FAM171A1: variants seen among roughly 807,000 people sequenced by gnomAD.
FAM171A1 encodes the protein protein FAM171A1.
FAM171A1 carries 23 observed loss-of-function variants against 74.9 expected under a neutral mutation model. The observed-to-expected ratio is 0.31, with a 90% CI of 0.22 to 0.44. The LOEUF (loss-of-function observed/expected upper bound fraction) is 0.44. Ranked by LOEUF, FAM171A1 falls within the 20% of genes least tolerant of loss-of-function variation. The pLI, the probability that FAM171A1 is intolerant of heterozygous loss-of-function variation, is 1.00. For synonymous variants in FAM171A1, 527 were observed against 505.7 expected, an observed-to-expected ratio of 1.04 and a Z score of -0.57; for missense variants, 1,162 against 1,159.2, an observed-to-expected ratio of 1.00 and a Z score of -0.03.
chr10:15,333,577 C>T (rs1052431707), intron 1 of FAM171A1, among the ~76,000 whole-genome samples: 4 of 151,996 alleles, frequency 2.6e-5, no homozygotes, highest in Admixed American at 6.6e-5. Flanking sequence ...ACCTGTAATC[C>T]CAGCACTTTG....
rs1351171938 is a variant in FAM171A1, at chr10:15,254,765, A to G, written c.533T>C (p.Val178Ala). The change falls in exon 4 of 8, where the codon GTG becomes GCG. Residue 178 changes from valine to alanine, a missense_variant. By Grantham distance (64) the Val-to-Ala change is moderately conservative. Transcript: ENST00000378116. ...FLTAASSPSE[V>A]DSFPYLRGLD... is the part of the protein sequence containing the mutation. Reference sequence around the variant, plus strand: ...TCCTCGCAAATAAGGAAAACTGTCCACCTCCGAAGGGGAGCTGGCGGCCGT... The same window carrying G: ...TCCTCGCAAATAAGGAAAACTGTCCGCCTCCGAAGGGGAGCTGGCGGCCGT... 5 of 1,613,976 alleles carry G rather than the reference A, an allele frequency of 3.1e-6. No individual in the cohort carries two copies. The highest frequency in any genetic ancestry group is 4.2e-6 in the Non-Finnish European group (5 of 1,180,020).
Position 15,362,166 on chromosome 10 carries a change from G to A in FAM171A1, c.97+8790C>T, listed in dbSNP as rs1588572311. On this transcript the variant is annotated intron_variant, in intron 1 of 7. Transcript: ENST00000378116. ...CATCTTATCTACCCATCCAGTTTAA[G>A]GAATATAAGACAGCTTGACCTAATT... Among the ~76,000 whole-genome samples the A allele has an allele frequency of 3.3e-5, 5 of 152,296 alleles. No individual in the cohort carries two copies. The South Asian group carries it at 1.0e-3, about 32-fold the overall frequency.
At chr10:15,266,268 G>A (rs1269469565) in intron 3 of FAM171A1, among the ~76,000 whole-genome samples, 1 of 152,182 alleles carries the variant, frequency 6.6e-6, no homozygotes, top group African/African-American at 2.4e-5. Flanking sequence ...GACGAGAGCT[G>A]CTGGGTCCCA....
intron 1 of FAM171A1, among the ~76,000 whole-genome samples, chr10:15,319,294 C>G (rs996937505): frequency 1.3e-5 from 2 of 152,144 alleles, no homozygotes; most frequent in Non-Finnish European, 2.9e-5. Flanking sequence ...CTTCCCCTCC[C>G]CCAATTACTA....
intron 1 of FAM171A1, among the ~76,000 whole-genome samples, chr10:15,288,115 A>T (rs6602831): frequency 0.83 from 126,512 of 152,214 alleles, 52,647 homozygotes; most frequent in South Asian, 0.92. Context: ...CATGGCTGAT[A>T]AGTATTCCAT....
In FAM171A1 at chr10:15,290,448, G is replaced by GC. The variant is rs1189442712; in HGVS notation, c.98-6344dup. On this transcript the variant is annotated intron_variant, in intron 1 of 7. Coordinates refer to ENST00000378116, the MANE Select transcript of FAM171A1 (RefSeq NM_001010924.2). ...AAGGTGGATTCAAGAAAGTACTCTG[G>GC]CCGGACTCAGCAACCCTGCATTTCC... Among the ~76,000 whole-genome samples the GC allele has an allele frequency of 2.6e-5, 4 of 152,208 alleles. No individual in the cohort carries two copies. The East Asian group carries it at 7.7e-4, about 29-fold the overall frequency.
chr10:15,352,309 T>A (rs1281608627), intron 1 of FAM171A1, among the ~76,000 whole-genome samples: 3 of 152,112 alleles, frequency 2.0e-5, no homozygotes, highest in Non-Finnish European at 4.4e-5. Flanking sequence ...AGTATCTAAC[T>A]TCAAGTATTG....
At position 15,212,222 on chromosome 10, in the gene FAM171A1, T is replaced by G. The variant is rs910115983; in HGVS notation, c.*693A>C. 1.3e-5 allele frequency: 2 copies of G among 152,824 alleles called. No homozygotes were observed. The highest frequency in any genetic ancestry group is 4.1e-4 in the South Asian group (2 of 4,824). The allele number at this position is 152,824 out of a possible 1,614,324, so 9.5% of individuals were successfully genotyped here. On this transcript the variant is annotated 3_prime_UTR_variant, in exon 8 of 8. Transcript: ENST00000378116. ...GGAGGACTCTTAGCTGATACAGATT[T>G]CAGTACGATTTCATTAAAAGGCTTG...
chr10:15,290,566 A>G (rs1354659015), intron 1 of FAM171A1, among the ~76,000 whole-genome samples: 1 of 152,134 alleles, frequency 6.6e-6, no homozygotes, highest in African/African-American at 2.4e-5. Flanking sequence ...TACAACAGAG[A>G]CCAGACCCCT....
Position 15,254,790 on chromosome 10 carries a change from TGAGAAACGCG to T in FAM171A1, c.498_507del (p.Ala167ArgfsTer18). The T allele has an allele frequency of 6.2e-7, 1 of 1,612,008 alleles. No individual in the cohort carries two copies. On this transcript the variant is annotated frameshift_variant, in exon 4 of 8. Coordinates refer to ENST00000378116, the MANE Select transcript of FAM171A1 (RefSeq NM_001010924.2). LOFTEE classifies it high-confidence loss of function. Reference sequence around the variant, plus strand: ...ACCTCCGAAGGGGAGCTGGCGGCCGTGAGAAACGCGGTCAGGTCACTGTAGCTGGTGTTCT... The same window carrying T: ...ACCTCCGAAGGGGAGCTGGCGGCCGTGTCAGGTCACTGTAGCTGGTGTTCT...
chr10:15,273,783 C>A, intron 3 of FAM171A1, among the ~76,000 whole-genome samples: 1 of 152,130 alleles, frequency 6.6e-6, no homozygotes. Context: ...AAGACAAAAA[C>A]CACATGATTA....
At chr10:15,272,678 T>C (rs1304701189) in intron 3 of FAM171A1, among the ~76,000 whole-genome samples, 1 of 152,138 alleles carries the variant, frequency 6.6e-6, no homozygotes, top group Non-Finnish European at 1.5e-5. Context: ...AGAACAGAAA[T>C]TATAACAAAT....
chr10:15,294,364 T>C (rs1329529351), intron 1 of FAM171A1, among the ~76,000 whole-genome samples: 2 of 152,208 alleles, frequency 1.3e-5, no homozygotes, highest in African/African-American at 4.8e-5. Flanking sequence ...TCTGTCTGCC[T>C]GCCCAAGGTC....
At chr10:15,367,783 C>T (rs530428427) in intron 1 of FAM171A1, among the ~76,000 whole-genome samples, 2 of 152,352 alleles carry the variant, frequency 1.3e-5, no homozygotes, top group East Asian at 3.9e-4. Context: ...CTTTTCAGCA[C>T]TGGGTTTGCC....
intron 4 of FAM171A1, among the ~76,000 whole-genome samples, chr10:15,253,202 T>C (rs1228231039): frequency 2.0e-5 from 3 of 152,002 alleles, no homozygotes; most frequent in African/African-American, 7.3e-5. Context: ...CAGCATTTCA[T>C]CATGTTGGCC....
intron 1 of FAM171A1, among the ~76,000 whole-genome samples, chr10:15,293,293 T>C (rs1207258457): frequency 3.3e-5 from 5 of 152,242 alleles, no homozygotes; most frequent in African/African-American, 1.2e-4. Context: ...TTCTTATAAC[T>C]ACTTTAAAAA....
chr10:15,232,966 T>A (rs1834226656), intron 5 of FAM171A1, among the ~76,000 whole-genome samples: 1 of 152,240 alleles, frequency 6.6e-6, no homozygotes, highest in Admixed American at 6.5e-5. Flanking sequence ...GTTTTTCTAA[T>A]GGATAAGCTC....
intron 2 of FAM171A1, among the ~76,000 whole-genome samples, chr10:15,276,805 C>T (rs897278672): frequency 1.6e-4 from 25 of 152,154 alleles, no homozygotes; most frequent in African/African-American, 5.8e-4. Context: ...CTGCCTTAGT[C>T]TCTCAAATAG....
At chr10:15,284,417 C>CGTGT (rs10533763) in intron 1 of FAM171A1, among the ~76,000 whole-genome samples, 6 of 150,348 alleles carry the variant, frequency 4.0e-5, no homozygotes, top group Admixed American at 6.6e-5. Flanking sequence ...TGCAATACTT[C>CGTGT]GTGTGTGTGT....
Sources: gnomAD v4.1 joint callset for allele counts (sites outside exome capture counted in the v4.1 genomes callset) on GRCh38, gnomAD v4.1.1 for gene constraint, MANE v1.5 for transcripts, NCBI Gene and HGNC (gene_info 2026-07-23, HGNC 2026-07-21) for gene names.